ASCC1: variants seen among roughly 807,000 people sequenced by gnomAD.
ASCC1 encodes the protein ASC-1 complex subunit P50.
Under a neutral mutation model 46.6 loss-of-function variants are expected in ASCC1, and 35 were observed. That is an observed-to-expected ratio of 0.75 (90% CI 0.57 to 0.99). The LOEUF is 0.99. ASCC1 is among the 50% of genes least tolerant of loss of function. The pLI is 0.00. For synonymous variants in ASCC1, 143 were observed against 146.6 expected (o/e 0.98, Z 0.18); for missense variants, 376 against 428.7 (o/e 0.88, Z 1.09).
At chr10:72,214,634 C>T (rs947213256) in intron 1 of ASCC1, among the ~76,000 whole-genome samples, 4 of 152,068 alleles carry the variant, frequency 2.6e-5, no homozygotes, top group Non-Finnish European at 5.9e-5. Flanking sequence ...GCCTCAGTCT[C>T]CCAAAGTGCT....
At chr10:72,181,606 G>C (rs1852630118) in intron 5 of ASCC1, among the ~76,000 whole-genome samples, 1 of 150,192 alleles carries the variant, frequency 6.7e-6, no homozygotes, top group African/African-American at 2.5e-5. Flanking sequence ...GAGACTTAAG[G>C]AATATTTAAC....
At chr10:72,185,974 A>G (rs926109026) in intron 5 of ASCC1, among the ~76,000 whole-genome samples, 2 of 152,160 alleles carry the variant, frequency 1.3e-5, no homozygotes, top group African/African-American at 4.8e-5. Flanking sequence ...TGCTCACTGC[A>G]GTGTTATTTA....
At chr10:72,153,926 T>C (rs1001275591) in intron 6 of ASCC1, among the ~76,000 whole-genome samples, 6 of 152,078 alleles carry the variant, frequency 3.9e-5, no homozygotes, top group African/African-American at 1.4e-4. Flanking sequence ...TTAGCTATAT[T>C]GGCCAGGGTG....
intron 5 of ASCC1, among the ~76,000 whole-genome samples, chr10:72,192,279 C>A (rs1395512551): frequency 6.6e-6 from 1 of 151,910 alleles, no homozygotes; most frequent in African/African-American, 2.4e-5. Flanking sequence ...TATGGTGAAA[C>A]CCCATCTCCA....
At chr10:72,160,212 T>G (rs1483854014) in intron 6 of ASCC1, among the ~76,000 whole-genome samples, 1 of 152,196 alleles carries the variant, frequency 6.6e-6, no homozygotes, top group Non-Finnish European at 1.5e-5. Flanking sequence ...CTAAACAGTT[T>G]CATATACAAC....
chr10:72,107,302 ACCC>A (rs143451737), intron 9 of ASCC1, among the ~76,000 whole-genome samples: 35 of 142,418 alleles, frequency 2.5e-4, no homozygotes, highest in Admixed American at 1.5e-3. Context: ...CAAATAAGTT[ACCC>A]CCCCCCCAAA....
At position 72,198,374 on chromosome 10, in the gene ASCC1, GAGGGAAGGGA is replaced by G. The variant is rs1162449741; in HGVS notation, c.311-1395_311-1386del. 9.6e-5 allele frequency: 12 copies of G among 125,170 alleles called. 1 individual carries two copies. Among genetic ancestry groups the G allele is most frequent in the South Asian group, 1.5e-4 (3 of 20,096 alleles). 7.8% of individuals were successfully genotyped at this position (125,170 alleles called of 1,614,324 possible). On this transcript the variant is annotated intron_variant, in intron 4 of 9. Transcript: ENST00000672957. The stretch of plus-strand genomic sequence containing the variant: ...AGGGGAGGGGAGGGGAGGGGGAGGG[GAGGGAAGGGA>G]AGGGAAGGGAAGGGAAGGGAAGGAA...
intron 9 of ASCC1, among the ~76,000 whole-genome samples, chr10:72,119,910 A>C (rs568376881): frequency 3.1e-4 from 47 of 152,338 alleles, no homozygotes; most frequent in African/African-American, 1.0e-3. Context: ...GGAAATTCTA[A>C]GAAAGAATCA....
chr10:72,188,008 C>G (rs138702998), intron 5 of ASCC1, among the ~76,000 whole-genome samples: 17 of 151,892 alleles, frequency 1.1e-4, no homozygotes, highest in African/African-American at 3.9e-4. Context: ...CAGGCCATCT[C>G]TTGTATGTGC....
Position 72,097,345 on chromosome 10 carries a change from C to A in ASCC1, c.1063G>T (p.Asp355Tyr). 2 of 1,608,378 alleles carry A rather than the reference C, an allele frequency of 1.2e-6. No individual in the cohort carries two copies. The highest frequency in any genetic ancestry group is 2.2e-5 in the South Asian group (2 of 90,888). Residue 355 changes from aspartate (D) to tyrosine (Y), a missense_variant, in exon 10 of 10, where the codon GAC (aspartate) becomes TAC (tyrosine). Physicochemically the swap from Asp to Tyr is radical, Grantham distance 160 (BLOSUM62 -3). Coordinates refer to ENST00000672957, the MANE Select transcript of ASCC1 (RefSeq NM_001198800.3). ...FGNYASCGQI[D>Y]FS ...TTCCAAGATCCACCTCAGGAGAAGT[C>A]AATTTGTCCACAGGAAGCGTAGTTT...
intron 9 of ASCC1, among the ~76,000 whole-genome samples, chr10:72,103,681 G>A (rs1842045263): frequency 6.6e-6 from 1 of 152,102 alleles, no homozygotes; most frequent in Non-Finnish European, 1.5e-5. Context: ...CTTCTCCCCT[G>A]AAGCAGGTCA....
rs529066585 is a variant in ASCC1, at chr10:72,196,718, T to A, written c.489+93A>T. The A allele has an allele frequency of 1.3e-5, 17 of 1,319,658 alleles. No individual in the cohort carries two copies. In the South Asian group the frequency reaches 2.1e-4, roughly 17 times the overall value. The allele number at this position is 1,319,658 out of a possible 1,614,324, so 81.7% of individuals were successfully genotyped here. A position where few individuals can be genotyped will look rare whatever the true frequency, so the allele number is the denominator to read the frequency against. Reference sequence around the variant, plus strand: ...TTATCTTTTTTGGTGGGGGAAGAAGTTTATAACTCCCTACTGTTTGATTTA... The same window carrying A: ...TTATCTTTTTTGGTGGGGGAAGAAGATTATAACTCCCTACTGTTTGATTTA... On this transcript the variant is annotated intron_variant, in intron 5 of 9. Coordinates refer to ENST00000672957, the MANE Select transcript of ASCC1 (RefSeq NM_001198800.3).
chr10:72,150,372 A>T (rs984468621), intron 7 of ASCC1, among the ~76,000 whole-genome samples: 12 of 152,294 alleles, frequency 7.9e-5, no homozygotes, highest in Admixed American at 5.9e-4. Context: ...AAAGCAAATA[A>T]ATGTGGGAGC....
At chr10:72,211,089 C>T (rs778056248) in intron 2 of ASCC1, among the ~76,000 whole-genome samples, 18 of 152,270 alleles carry the variant, frequency 1.2e-4, no homozygotes, top group Non-Finnish European at 1.5e-4. Context: ...CATATGCATA[C>T]GGTAGTTCCC....
intron 5 of ASCC1, among the ~76,000 whole-genome samples, chr10:72,186,659 C>T (rs1271428162): frequency 6.6e-6 from 1 of 152,160 alleles, no homozygotes; most frequent in Non-Finnish European, 1.5e-5. Flanking sequence ...AAAATCTCTT[C>T]CATATAATCT....
chr10:72,207,996 TA>T (rs1857459415), intron 3 of ASCC1, among the ~76,000 whole-genome samples: 1 of 151,998 alleles, frequency 6.6e-6, no homozygotes. Context: ...TTTTTATTTT[TA>T]TTTTTTGTTG....
At position 72,126,622 on chromosome 10, in the gene ASCC1, T is replaced by C. The variant is rs188498890; in HGVS notation, c.957+1460A>G. Reference sequence around the variant, plus strand: ...CAGTTTTAATTCCATGAAAACCCAGTTGGCTTTGAGCCATTCCTAAAGATT... The same window carrying C: ...CAGTTTTAATTCCATGAAAACCCAGCTGGCTTTGAGCCATTCCTAAAGATT... On this transcript the variant is annotated intron_variant, in intron 9 of 9. Transcript: ENST00000672957. 1.9e-3 allele frequency among the ~76,000 whole-genome samples: 282 copies of C among 152,318 alleles called. 2 individuals carry two copies. The highest frequency in any genetic ancestry group is 6.1e-3 in the African/African-American group (254 of 41,568).
At chr10:72,202,507 A>G (rs1345802779) in intron 4 of ASCC1, among the ~76,000 whole-genome samples, 1 of 152,114 alleles carries the variant, frequency 6.6e-6, no homozygotes, top group African/African-American at 2.4e-5. Flanking sequence ...GAATGAGTTT[A>G]CAGTTTTGTC....
At chr10:72,190,023 G>A in intron 5 of ASCC1, 1 of 758,776 alleles carries the variant, frequency 1.3e-6, no homozygotes, top group South Asian at 1.3e-5. Context: ...GTCCACTGCT[G>A]GCAGTACCGC....
Sources: gnomAD v4.1 joint callset for allele counts (sites outside exome capture counted in the v4.1 genomes callset) on GRCh38, gnomAD v4.1.1 for gene constraint, MANE v1.5 for transcripts, NCBI Gene and HGNC (gene_info 2026-07-23, HGNC 2026-07-21) for gene names.